RAB14: variants seen among roughly 807,000 people sequenced by gnomAD.
RAB14 encodes the protein RAB14, member RAS oncogene family, also known as ras-related protein Rab-14.
RAB14 carries 3 observed loss-of-function variants against 31.1 expected under a neutral mutation model. The observed-to-expected ratio is 0.10, with a 90% CI of 0.04 to 0.25. The LOEUF (loss-of-function observed/expected upper bound fraction) is 0.25. Ranked by LOEUF, RAB14 falls within the 10% of genes least tolerant of loss-of-function variation. RAB14 has a pLI of 1.00. For missense variants in RAB14, 111 were observed against 260.1 expected, an observed-to-expected ratio of 0.43 and a Z score of 3.94; for synonymous variants, 85 against 84.9, an observed-to-expected ratio of 1.00 and a Z score of 0.00.
At chr9:121,186,814 C>A in intron 5 of RAB14, 139 bp downstream of exon 5, 1 of 480,204 alleles carries the variant, frequency 2.1e-6, no homozygotes, top group Non-Finnish European at 3.6e-6. Context: ...GTTAGGTTTT[C>A]TTCAACTAAT....
intron 3 of RAB14, among the ~76,000 whole-genome samples, chr9:121,191,241 A>T (rs994218252): frequency 2.6e-5 from 4 of 152,136 alleles, no homozygotes; most frequent in African/African-American, 4.8e-5. Flanking sequence ...TCTATAACAG[A>T]TCAATCAATG....
In RAB14 at chr9:121,180,591, G is replaced by C. The variant is rs1487179524; in HGVS notation, c.*805C>G. 2.6e-5 allele frequency: 4 copies of C among 152,728 alleles called. No homozygotes were observed. The East Asian group carries it at 7.7e-4, about 29-fold the overall frequency. 9.5% of individuals were successfully genotyped at this position (152,728 alleles called of 1,614,324 possible). A position where few individuals can be genotyped will look rare whatever the true frequency, so the allele number is the denominator to read the frequency against. On this transcript the variant is annotated 3_prime_UTR_variant, in exon 8 of 8. Transcript: ENST00000373840. ...GAACTGCAGTTGTGTCTATTTCTTTGTGTGAAATGGAAGGGAGTAACATGG... is the reference window on the plus strand; with the variant it reads ...GAACTGCAGTTGTGTCTATTTCTTTCTGTGAAATGGAAGGGAGTAACATGG...
chr9:121,183,679 G>A (rs1413342168), intron 5 of RAB14, among the ~76,000 whole-genome samples: 1 of 152,104 alleles, frequency 6.6e-6, no homozygotes, highest in Admixed American at 6.6e-5. Flanking sequence ...TTACATGTTC[G>A]TTGCTGGGTT....
intron 1 of RAB14, among the ~76,000 whole-genome samples, chr9:121,197,196 C>T (rs768331412): frequency 6.6e-6 from 1 of 152,158 alleles, no homozygotes; most frequent in Non-Finnish European, 1.5e-5. Flanking sequence ...GAAATATTTA[C>T]TAAATGCATA....
intron 5 of RAB14, among the ~76,000 whole-genome samples, chr9:121,185,843 T>C (rs1290305177): frequency 6.6e-6 from 1 of 152,160 alleles, no homozygotes; most frequent in Non-Finnish European, 1.5e-5. Flanking sequence ...TTTCCAGTTC[T>C]GGGCTACTGG....
intron 4 of RAB14, among the ~76,000 whole-genome samples, chr9:121,188,315 C>T (rs1023586810): frequency 2.0e-5 from 3 of 151,798 alleles, no homozygotes; most frequent in African/African-American, 4.8e-5. Context: ...TAAACAAGTC[C>T]GAACATTTCT....
chr9:121,188,533 C>T (rs887005281), intron 4 of RAB14, among the ~76,000 whole-genome samples: 1 of 150,878 alleles, frequency 6.6e-6, no homozygotes, highest in Non-Finnish European at 1.5e-5. Context: ...ATTGGTGGTA[C>T]TAGTACTAAA....
At chr9:121,187,738 C>G (rs2053665431) in intron 4 of RAB14, among the ~76,000 whole-genome samples, 2 of 151,966 alleles carry the variant, frequency 1.3e-5, no homozygotes, top group Non-Finnish European at 2.9e-5. Context: ...GATAAGTAAA[C>G]AAACCCAAAT....
intron 3 of RAB14, among the ~76,000 whole-genome samples, 197 bp from the exon 4 acceptor site, chr9:121,190,928 G>A (rs1232933353): frequency 1.3e-5 from 2 of 151,984 alleles, no homozygotes; most frequent in African/African-American, 2.4e-5. Context: ...CTAGAATCGG[G>A]GTCAGCAAAC....
chr9:121,183,073 A>G, intron 6 of RAB14, 113 bp from the exon 7 acceptor site: 1 of 1,022,122 alleles, frequency 9.8e-7, no homozygotes, highest in East Asian at 2.5e-5. Context: ...CTCCCATAGT[A>G]TTTTATGAAA....
chr9:121,185,030 T>C (rs746129295), intron 5 of RAB14, among the ~76,000 whole-genome samples: 2 of 152,102 alleles, frequency 1.3e-5, no homozygotes, highest in Non-Finnish European at 2.9e-5. Context: ...AACAAAATGG[T>C]AGAGAACACA....
intron 5 of RAB14, among the ~76,000 whole-genome samples, chr9:121,186,484 C>T (rs111772853): frequency 6.6e-6 from 1 of 152,230 alleles, no homozygotes; most frequent in East Asian, 1.9e-4. Context: ...TGTTTTAACA[C>T]ATATAGAATC....
chr9:121,192,866 TTA>T (rs369974416), intron 2 of RAB14, among the ~76,000 whole-genome samples: 24 of 152,292 alleles, frequency 1.6e-4, no homozygotes, highest in African/African-American at 5.5e-4. Context: ...AAATGTAGTT[TTA>T]TGTTTGGATA....
intron 2 of RAB14, among the ~76,000 whole-genome samples, 186 bp downstream of exon 2, chr9:121,193,175 G>A (rs75822232): frequency 0.081 from 12,273 of 152,078 alleles, 1,170 homozygotes; most frequent in African/African-American, 0.22. Context: ...CTGTACCACA[G>A]AAATATCCAT....
chr9:121,195,581 TC>T (rs2053710880), intron 1 of RAB14, among the ~76,000 whole-genome samples: 1 of 152,190 alleles, frequency 6.6e-6, no homozygotes, highest in Admixed American at 6.5e-5. Flanking sequence ...TGAAAATGTA[TC>T]TTAAAATTAC....
intron 1 of RAB14, among the ~76,000 whole-genome samples, chr9:121,196,612 T>A (rs1460907881): frequency 6.6e-6 from 1 of 152,136 alleles, no homozygotes; most frequent in African/African-American, 2.4e-5. Flanking sequence ...AGATCCCCTC[T>A]TAACCACCAC....
Position 121,182,923 on chromosome 9 carries a change from C to T in RAB14, c.470+7G>A, listed in dbSNP as rs1294225723. On this transcript the variant is annotated splice_region_variant and intron_variant, in intron 7 of 7. Coordinates refer to ENST00000373840, the MANE Select transcript of RAB14 (RefSeq NM_016322.4). ...AATTGAAATATCTGTATTTTGGTCA[C>T]ACTTACGTTTTTGCACTCGCTTCGA... 6.2e-7 allele frequency: 1 copy of T among 1,606,558 alleles called. No individual in the cohort carries two copies. The highest frequency in any genetic ancestry group is 2.2e-5 in the East Asian group (1 of 44,664).
chr9:121,189,255 C>T (rs922195056), intron 4 of RAB14, among the ~76,000 whole-genome samples: 1 of 152,046 alleles, frequency 6.6e-6, no homozygotes, highest in African/African-American at 2.4e-5. Context: ...TGAATAGACA[C>T]AGATTTTACC....
At position 121,181,008 on chromosome 9, in the gene RAB14, A is replaced by C. The variant is rs2053629676; in HGVS notation, c.*388T>G. On this transcript the variant is annotated 3_prime_UTR_variant, in exon 8 of 8. Coordinates refer to ENST00000373840, the MANE Select transcript of RAB14 (RefSeq NM_016322.4). Reference sequence around the variant, plus strand: ...TACAACAGACATACTTGAACAGTTAAGGATGGGAAGAAAGGCTTAAGATAT... The same window carrying C: ...TACAACAGACATACTTGAACAGTTACGGATGGGAAGAAAGGCTTAAGATAT... The C allele has an allele frequency of 6.3e-6, 1 of 158,952 alleles. No individual in the cohort carries two copies. The highest frequency in any genetic ancestry group is 2.4e-5 in the African/African-American group (1 of 41,740). 9.8% of individuals were successfully genotyped at this position (158,952 alleles called of 1,614,324 possible). A position where few individuals can be genotyped will look rare whatever the true frequency, so the allele number is the denominator to read the frequency against.
Sources: allele counts gnomAD v4.1 joint callset (sites outside exome capture counted in the v4.1 genomes callset), GRCh38; gene constraint gnomAD v4.1.1; transcripts MANE v1.5; gene names NCBI Gene and HGNC (gene_info 2026-07-23, HGNC 2026-07-21).